Variants in GOLGA5 observed in about 807,000 individuals in gnomAD.
GOLGA5 encodes the protein golgin subfamily A member 5.
In GOLGA5, 50 loss-of-function variants were observed where a neutral mutation model predicts 93.5. That is an observed-to-expected ratio of 0.53 (90% confidence interval 0.43 to 0.68). The LOEUF (loss-of-function observed/expected upper bound fraction) is 0.68, where lower values mean the gene tolerates loss of function less well. Ranked by LOEUF, GOLGA5 falls within the 30% of genes least tolerant of loss-of-function variation. The pLI, the probability that GOLGA5 is intolerant of heterozygous loss-of-function variation, is 0.00. For synonymous variants in GOLGA5, 312 were observed against 304.5 expected (o/e 1.02, Z -0.26); for missense variants, 760 against 856.4 (o/e 0.89, Z 1.40).
At chr14:92,834,482 A>G (rs1885598563) in intron 10 of GOLGA5, among the ~76,000 whole-genome samples, 3 of 152,132 alleles carry the variant, frequency 2.0e-5, no homozygotes, top group African/African-American at 7.2e-5. Flanking sequence ...TAAAGTCCCA[A>G]AGGAGGTAAG....
At chr14:92,816,133 C>A in intron 6 of GOLGA5, 118 bp from the exon 7 acceptor site, 1 of 664,700 alleles carries the variant, frequency 1.5e-6, no homozygotes, top group Non-Finnish European at 2.6e-6. Context: ...AATCTGTGGA[C>A]TTTCTTTGAT....
intron 3 of GOLGA5, 50 bp downstream of exon 3, chr14:92,807,013 C>T: frequency 7.6e-7 from 1 of 1,308,034 alleles, no homozygotes; most frequent in Non-Finnish European, 1.1e-6. Flanking sequence ...TAAAAATAAA[C>T]TTAAGGCTGG....
chr14:92,830,688 C>T (rs929559049), intron 9 of GOLGA5, among the ~76,000 whole-genome samples: 15 of 152,142 alleles, frequency 9.9e-5, no homozygotes, highest in Non-Finnish European at 1.6e-4. Context: ...CAGCCTTGAC[C>T]TCCCAGGCTC....
intron 12 of GOLGA5, among the ~76,000 whole-genome samples, chr14:92,839,090 T>C (rs993512395): frequency 6.6e-6 from 1 of 152,220 alleles, no homozygotes; most frequent in Non-Finnish European, 1.5e-5. Flanking sequence ...TTTTAATCAC[T>C]CTGCATTATA....
At chr14:92,813,106 A>G (rs975708702) in intron 6 of GOLGA5, among the ~76,000 whole-genome samples, 1 of 152,052 alleles carries the variant, frequency 6.6e-6, no homozygotes. Context: ...TTTAGTCTCA[A>G]ACTTCTAATG....
At chr14:92,818,647 C>G (rs763038798) in intron 7 of GOLGA5, among the ~76,000 whole-genome samples, 5 of 152,194 alleles carry the variant, frequency 3.3e-5, no homozygotes, top group African/African-American at 7.2e-5. Flanking sequence ...GAGGATTGCA[C>G]TGTGATTATC....
Position 92,839,418 on chromosome 14 carries a change from T to G in GOLGA5, c.2168T>G (p.Met723Arg). ...MIVLLTYTPE[M>R]HHDQPYGK ...GTTCTGTTGACTTACACACCAGAAATGCACCACGACCAACCATATGGCAAA... is the reference window on the plus strand; with the variant it reads ...GTTCTGTTGACTTACACACCAGAAAGGCACCACGACCAACCATATGGCAAA... Residue 723 changes from methionine to arginine, a missense_variant, in exon 13 of 13, where the codon ATG becomes AGG. Physicochemically the swap from Met to Arg is moderately conservative, Grantham distance 91. Coordinates refer to ENST00000163416, the MANE Select transcript of GOLGA5 (RefSeq NM_005113.4). 6.2e-7 allele frequency: 1 copy of G among 1,611,136 alleles called. No homozygotes were observed. The highest frequency in any genetic ancestry group is 8.5e-7 in the Non-Finnish European group (1 of 1,178,676).
chr14:92,821,550 A>G (rs529568867), intron 8 of GOLGA5, among the ~76,000 whole-genome samples: 45 of 152,332 alleles, frequency 3.0e-4, no homozygotes, highest in African/African-American at 1.1e-3. Context: ...TCACAAGTAA[A>G]TCACTACTAT....
intron 11 of GOLGA5, among the ~76,000 whole-genome samples, chr14:92,836,793 G>T (rs1434513835): frequency 6.6e-6 from 1 of 152,104 alleles, no homozygotes; most frequent in African/African-American, 2.4e-5. Context: ...GCCGGGCACG[G>T]TGGCTCACAC....
intron 6 of GOLGA5, among the ~76,000 whole-genome samples, chr14:92,813,632 C>T (rs1885146803): frequency 6.6e-6 from 1 of 152,152 alleles, no homozygotes; most frequent in Admixed American, 6.5e-5. Flanking sequence ...AGTTCAACGG[C>T]AGGCAGAAGC....
At chr14:92,796,652 C>T (rs1884733752) in intron 1 of GOLGA5, among the ~76,000 whole-genome samples, 1 of 152,026 alleles carries the variant, frequency 6.6e-6, no homozygotes, top group African/African-American at 2.4e-5. Context: ...TGCAGTTCAG[C>T]CCATAACAGA....
At chr14:92,816,204 C>G in intron 6 of GOLGA5, 47 bp from the exon 7 acceptor site, 1 of 1,315,000 alleles carries the variant, frequency 7.6e-7, no homozygotes, top group Non-Finnish European at 1.1e-6. Flanking sequence ...ATTCAATATA[C>G]AAACTAATCT....
intron 2 of GOLGA5, among the ~76,000 whole-genome samples, chr14:92,799,772 A>C (rs193295064): frequency 6.6e-6 from 1 of 151,236 alleles, no homozygotes; most frequent in Non-Finnish European, 1.5e-5. Flanking sequence ...CCCTTGGCTA[A>C]TTTTTGTATT....
At chr14:92,804,223 T>C (rs1884933976) in intron 2 of GOLGA5, among the ~76,000 whole-genome samples, 1 of 151,912 alleles carries the variant, frequency 6.6e-6, no homozygotes, top group African/African-American at 2.4e-5. Context: ...ATATTTTATT[T>C]TTTATATTAT....
intron 3 of GOLGA5, among the ~76,000 whole-genome samples, 174 bp from the exon 4 acceptor site, chr14:92,809,126 A>G (rs1178274195): frequency 6.6e-6 from 1 of 152,186 alleles, no homozygotes; most frequent in Non-Finnish European, 1.5e-5. Flanking sequence ...TCTAGCTGTG[A>G]ATATTGCCCT....
At chr14:92,819,260 G>T (rs577343538) in intron 7 of GOLGA5, among the ~76,000 whole-genome samples, 64 of 152,266 alleles carry the variant, frequency 4.2e-4, no homozygotes, top group African/African-American at 1.5e-3. Flanking sequence ...AGTAGACAAT[G>T]AAGGTGTCAG....
Position 92,839,433 on chromosome 14 carries a change from C to T in GOLGA5, c.2183C>T (p.Pro728Leu), listed in dbSNP as rs1885713612. ...TYTPEMHHDQ[P>L]YGK ...ACACCAGAAATGCACCACGACCAAC[C>T]ATATGGCAAATGAACCAAGCCCAGT... Residue 728 changes from proline to leucine, a missense_variant, in exon 13 of 13, where the codon CCA becomes CTA. Physicochemically the swap from Pro to Leu is moderately conservative, Grantham distance 98. Transcript: ENST00000163416. 6.2e-7 allele frequency: 1 copy of T among 1,607,084 alleles called. No individual in the cohort carries two copies. The highest frequency in any genetic ancestry group is 1.3e-5 in the African/African-American group (1 of 74,854).
Position 92,814,799 on chromosome 14 carries a change from A to G in GOLGA5, c.1321-1452A>G, listed in dbSNP as rs569601881. On this transcript the variant is annotated intron_variant, in intron 6 of 12. Coordinates refer to ENST00000163416, the MANE Select transcript of GOLGA5 (RefSeq NM_005113.4). ...TAGGACTTTATAAACTGGTCTTTGC[A>G]TGTCAAATCTCTTCTTCAAACTCAT... is the stretch of plus-strand genomic sequence containing the variant. 3.9e-5 allele frequency among the ~76,000 whole-genome samples: 6 copies of G among 152,252 alleles called. No homozygotes were observed. The South Asian group carries it at 1.2e-3, about 32-fold the overall frequency.
rs748272698 is a variant in GOLGA5, at chr14:92,810,378, G to T, written c.1116+1G>T. ...GCAGGAGAGCTATAAACAGATGCAG[G>T]TTAGAATGAGAGACAGCAGATTCCT... is the stretch of plus-strand genomic sequence containing the variant. On this transcript the variant is annotated splice_donor_variant, in intron 5 of 12. Coordinates refer to ENST00000163416, the MANE Select transcript of GOLGA5 (RefSeq NM_005113.4). LOFTEE classifies it high-confidence loss of function. 6.4e-7 allele frequency: 1 copy of T among 1,560,554 alleles called. No homozygotes were observed. The highest frequency in any genetic ancestry group is 8.6e-7 in the Non-Finnish European group (1 of 1,158,568).
Sources: gnomAD v4.1 joint callset for allele counts (sites outside exome capture counted in the v4.1 genomes callset) on GRCh38, gnomAD v4.1.1 for gene constraint, MANE v1.5 for transcripts, NCBI Gene and HGNC (gene_info 2026-07-23, HGNC 2026-07-21) for gene names.